The following CD109 variants were observed in gnomAD, a reference collection of about 807,000 sequenced individuals.
CD109 encodes CD109 molecule.
Under a neutral mutation model 165.8 loss-of-function variants are expected in CD109, and 149 were observed. That is an observed-to-expected ratio of 0.90 (90% CI 0.79 to 1.03). CD109 has a LOEUF of 1.03. Among genes scored for constraint, CD109 ranks in the 50% least tolerant of loss-of-function variants. The pLI, the probability that CD109 is intolerant of heterozygous loss-of-function variation, is 0.00. For missense variants in CD109, 1,712 were observed against 1,677.8 expected (o/e 1.02, Z -0.36); for synonymous variants, 585 against 592.1 (o/e 0.99, Z 0.18).
At chr6:73,810,390 T>C (rs974112) in intron 27 of CD109, among the ~76,000 whole-genome samples, 66,279 of 151,008 alleles carry the variant, frequency 0.44, 14,917 homozygotes, top group Middle Eastern at 0.52. Flanking sequence ...GCTAAATTGA[T>C]TAATTTTAAT....
At chr6:73,701,274 C>T (rs1450372823) in intron 2 of CD109, among the ~76,000 whole-genome samples, 1 of 152,144 alleles carries the variant, frequency 6.6e-6, no homozygotes, top group Non-Finnish European at 1.5e-5. Flanking sequence ...GCATCATTGC[C>T]ATCAGCTCCA....
chr6:73,796,640 A>G (rs1775175487), intron 23 of CD109, among the ~76,000 whole-genome samples: 1 of 152,176 alleles, frequency 6.6e-6, no homozygotes, highest in African/African-American at 2.4e-5. Flanking sequence ...TAAATCCAGA[A>G]TGGGCGAATA....
intron 3 of CD109, among the ~76,000 whole-genome samples, chr6:73,729,762 C>T (rs1012073821): frequency 2.6e-5 from 4 of 152,010 alleles, no homozygotes; most frequent in Admixed American, 6.6e-5. Context: ...GATCTGCCTG[C>T]CTTGGTCTCC....
intron 30 of CD109, among the ~76,000 whole-genome samples, chr6:73,815,865 T>G (rs1372129792): frequency 6.6e-6 from 1 of 152,210 alleles, no homozygotes; most frequent in Non-Finnish European, 1.5e-5. Context: ...CATGAATCTA[T>G]TCTCTTACAT....
intron 2 of CD109, among the ~76,000 whole-genome samples, chr6:73,699,110 C>A (rs1446758157): frequency 1.3e-5 from 2 of 152,220 alleles, no homozygotes; most frequent in East Asian, 3.9e-4. Context: ...AAATGAATGA[C>A]CCCTGATCTT....
At chr6:73,749,725 G>T (rs1482999564) in intron 5 of CD109, among the ~76,000 whole-genome samples, 2 of 152,102 alleles carry the variant, frequency 1.3e-5, no homozygotes, top group Non-Finnish European at 2.9e-5. Context: ...TTTTCCTCTG[G>T]TTATAAAAGT....
intron 2 of CD109, among the ~76,000 whole-genome samples, chr6:73,719,359 A>T (rs1771862859): frequency 6.6e-6 from 1 of 152,236 alleles, no homozygotes; most frequent in South Asian, 2.1e-4. Flanking sequence ...TAGCCTATAC[A>T]TGCTAGATTG....
chr6:73,823,187 T>C (rs929959841), intron 32 of CD109, among the ~76,000 whole-genome samples: 4 of 152,242 alleles, frequency 2.6e-5, no homozygotes, highest in African/African-American at 7.2e-5. Context: ...TGCTTGTGAT[T>C]GCAGTGTGCA....
chr6:73,806,797 G>A lies in CD109; in HGVS notation c.2961-47G>A, dbSNP rs116721468. 874 of 1,383,184 alleles carry A rather than the reference G, an allele frequency of 6.3e-4. 5 individuals carry two copies. In the African/African-American group the frequency reaches 0.011, roughly 18 times the overall value. The allele number at this position is 1,383,184 out of a possible 1,614,324, so 85.7% of individuals were successfully genotyped here. A position where few individuals can be genotyped will look rare whatever the true frequency, so the allele number is the denominator to read the frequency against. On this transcript the variant is annotated intron_variant, in intron 24 of 32. Transcript: ENST00000287097. ...TTTGCTTGCTCGGTGTTATTTGGTG[G>A]ACCTTATAAAGTGTATTTTATGTAA...
rs773633681 is a variant in CD109 at position 73,763,563 on chromosome 6, A to G, written c.998-13A>G. On this transcript the variant is annotated splice_polypyrimidine_tract_variant and intron_variant, in intron 9 of 32. Coordinates refer to ENST00000287097, the MANE Select transcript of CD109 (RefSeq NM_133493.5). ...TTACTTTTGCTTTCTAAATTGTGCA[A>G]TTTCCAAAAAAGGTATTTCAAGAAA... 10 of 1,451,532 alleles carry G rather than the reference A, an allele frequency of 6.9e-6. No individual in the cohort carries two copies. The African/African-American group carries it at 8.4e-5, about 12-fold the overall frequency. 89.9% of individuals were successfully genotyped at this position (1,451,532 alleles called of 1,614,324 possible).
At chr6:73,739,590 T>C (rs1337100831) in intron 5 of CD109, among the ~76,000 whole-genome samples, 1 of 152,194 alleles carries the variant, frequency 6.6e-6, no homozygotes, top group African/African-American at 2.4e-5. Flanking sequence ...GGCTCACACC[T>C]GTAATCCCAG....
At chr6:73,694,717 T>C (rs749098470), upstream of CD109, 1 of 152,262 alleles carries the variant, frequency 6.6e-6, no homozygotes, top group African/African-American at 2.4e-5. Flanking sequence ...TTTCATGTGA[T>C]TCTCACACAC....
Position 73,730,771 on chromosome 6 carries a change from T to A in CD109, c.507+197T>A, listed in dbSNP as rs544487854. On this transcript the variant is annotated intron_variant, in intron 4 of 32. Transcript: ENST00000287097. ...AAGAGCTCAGCCTCTAGAGTCAACC[T>A]GCTTGAGTTCCAGGCCTGGGGTCTT... is the stretch of plus-strand genomic sequence containing the variant. Among the ~76,000 whole-genome samples, 7 of 152,260 alleles carry A rather than the reference T, an allele frequency of 4.6e-5. No individual in the cohort carries two copies. The East Asian group carries it at 1.4e-3, about 29-fold the overall frequency.
chr6:73,790,030 C>T (rs1774862815), intron 22 of CD109, among the ~76,000 whole-genome samples: 1 of 150,460 alleles, frequency 6.6e-6, no homozygotes. Flanking sequence ...CCATGGCACT[C>T]AGCCTTTCTT....
chr6:73,689,469 GA>G, the CD109 span, among the ~76,000 whole-genome samples: 1 of 152,198 alleles, frequency 6.6e-6, no homozygotes, highest in Non-Finnish European at 1.5e-5. Flanking sequence ...GTCAGCATGG[GA>G]GAAGCTCTTC....
intron 2 of CD109, among the ~76,000 whole-genome samples, chr6:73,720,900 G>C (rs1771925971): frequency 6.6e-6 from 1 of 152,118 alleles, no homozygotes; most frequent in South Asian, 2.1e-4. Context: ...CTTTGGTTTG[G>C]TAGACTCAGG....
At position 73,823,582 on chromosome 6, in the gene CD109, C is replaced by A. The variant is rs373349708; in HGVS notation, c.4287C>A (p.Val1429=). The A allele has an allele frequency of 1.2e-6, 2 of 1,613,634 alleles. No individual in the cohort carries two copies. The highest frequency in any genetic ancestry group is 1.3e-5 in the African/African-American group (1 of 75,006). ...GASGSHHHSS[V]IFIFCFKLLY... Reference sequence around the variant, plus strand: ...CAGGCTCCCATCATCACTCTTCAGTCATTTTTATTTTCTGTTTCAAGCTTC... The same window carrying A: ...CAGGCTCCCATCATCACTCTTCAGTAATTTTTATTTTCTGTTTCAAGCTTC... Residue 1429 remains valine (V), a synonymous_variant, in exon 33 of 33, where the codon GTC becomes GTA. Coordinates refer to ENST00000287097, the MANE Select transcript of CD109 (RefSeq NM_133493.5).
chr6:73,801,898 A>AGG (rs1350927139), intron 23 of CD109, among the ~76,000 whole-genome samples: 2 of 152,304 alleles, frequency 1.3e-5, no homozygotes, highest in East Asian at 3.9e-4. Flanking sequence ...AATTTTTAGA[A>AGG]GGATTTTTGG....
chr6:73,823,391 T>C lies in CD109; in HGVS notation c.4163-67T>C, dbSNP rs563314694. 4 of 1,221,178 alleles carry C rather than the reference T, an allele frequency of 3.3e-6. No individual in the cohort carries two copies. In the South Asian group the frequency reaches 5.8e-5, roughly 18 times the overall value. 75.6% of individuals were successfully genotyped at this position (1,221,178 alleles called of 1,614,324 possible). On this transcript the variant is annotated intron_variant, in intron 32 of 32. Coordinates refer to ENST00000287097, the MANE Select transcript of CD109 (RefSeq NM_133493.5). ...AGAAAAGTGTATCGAAATGCTCTTA[T>C]ATTTTGGCAAAGTCAATGTTTCTAA...
Sources: allele counts gnomAD v4.1 joint callset (sites outside exome capture counted in the v4.1 genomes callset), GRCh38; gene constraint gnomAD v4.1.1; transcripts MANE v1.5; gene names NCBI Gene and HGNC (gene_info 2026-07-23, HGNC 2026-07-21).